Variants in PDGFRL observed in about 807,000 individuals in gnomAD.
PDGFRL encodes platelet-derived growth factor receptor-like protein.
PDGFRL carries 46 observed loss-of-function variants against 37.2 expected under a neutral mutation model. The ratio of observed to expected loss-of-function variants is 1.24; its 90% CI spans 0.98 to 1.58. PDGFRL has a LOEUF of 1.58. PDGFRL is among the 40% of genes most tolerant of loss of function. PDGFRL has a pLI of 0.00. For synonymous variants in PDGFRL, 251 were observed against 184.3 expected (o/e 1.36, Z -2.93); for missense variants, 692 against 467.6 (o/e 1.48, Z -4.43).
chr8:17,604,976 G>A (rs972565715), intron 2 of PDGFRL, among the ~76,000 whole-genome samples: 2 of 152,118 alleles, frequency 1.3e-5, no homozygotes, highest in Admixed American at 1.3e-4. Context: ...AATTAGCAGA[G>A]CATGGTGGCG....
chr8:17,591,329 G>T (rs1445703019), intron 2 of PDGFRL, among the ~76,000 whole-genome samples: 3 of 152,190 alleles, frequency 2.0e-5, no homozygotes, highest in Non-Finnish European at 4.4e-5. Context: ...CATGGTGACA[G>T]CGGCAAGTGT....
chr8:17,597,570 T>G (rs1303224959), intron 2 of PDGFRL, among the ~76,000 whole-genome samples: 2 of 152,078 alleles, frequency 1.3e-5, no homozygotes, highest in East Asian at 3.9e-4. Context: ...CCCAAAGTGC[T>G]GGGAATGTCA....
At position 17,612,559 on chromosome 8, in the gene PDGFRL, T is replaced by C. The variant is rs141577497; in HGVS notation, c.354-8492T>C. Among the ~76,000 whole-genome samples, 21 of 152,244 alleles carry C rather than the reference T, an allele frequency of 1.4e-4. No homozygotes were observed. In the South Asian group the frequency reaches 1.7e-3, roughly 12 times the overall value. On this transcript the variant is annotated intron_variant, in intron 2 of 5. Coordinates refer to ENST00000251630, the MANE Select transcript of PDGFRL (RefSeq NM_001372073.1). ...GTAATTTTTGCATTTTTAGTAGATA[T>C]GTGGTTTCACCATATTGGCCAGGCT...
Position 17,642,878 on chromosome 8 carries a change from T to C in PDGFRL, c.*77T>C. ...TCAGCTTTGGGGTTCCTTTTATTAG[T>C]GCTTTGCCAGAGGCTGATGTCAAGC... On this transcript the variant is annotated 3_prime_UTR_variant, in exon 6 of 6. Coordinates refer to ENST00000251630, the MANE Select transcript of PDGFRL (RefSeq NM_001372073.1). 1.1e-6 allele frequency: 1 copy of C among 924,664 alleles called. No individual in the cohort carries two copies. Among genetic ancestry groups the C allele is most frequent in the Non-Finnish European group, 1.7e-6 (1 of 585,994 alleles). 57.3% of individuals were successfully genotyped at this position (924,664 alleles called of 1,614,324 possible). A position where few individuals can be genotyped will look rare whatever the true frequency, so the allele number is the denominator to read the frequency against.
chr8:17,593,171 T>G (rs1181550357), intron 2 of PDGFRL, among the ~76,000 whole-genome samples: 1 of 152,122 alleles, frequency 6.6e-6, no homozygotes, highest in Non-Finnish European at 1.5e-5. Flanking sequence ...TCTTCCTGTT[T>G]CCCTTTCCAC....
chr8:17,635,621 T>C (rs1804956610), intron 5 of PDGFRL, among the ~76,000 whole-genome samples: 1 of 152,174 alleles, frequency 6.6e-6, no homozygotes, highest in Admixed American at 6.5e-5. Context: ...TATGACTTCT[T>C]TTCCTCTGGG....
At chr8:17,640,769 C>G (rs1345222883) in intron 5 of PDGFRL, among the ~76,000 whole-genome samples, 1 of 152,096 alleles carries the variant, frequency 6.6e-6, no homozygotes, top group East Asian at 1.9e-4. Flanking sequence ...GGAGGTGGCA[C>G]TTTAAAGACA....
intron 3 of PDGFRL, among the ~76,000 whole-genome samples, chr8:17,624,491 T>G (rs936910249): frequency 1.3e-5 from 2 of 152,230 alleles, no homozygotes; most frequent in African/African-American, 4.8e-5. Context: ...TAAATTATCC[T>G]TAAGCAAACA....
Position 17,598,416 on chromosome 8 carries a change from A to G in PDGFRL, c.353+8651A>G, listed in dbSNP as rs115343637. Among the ~76,000 whole-genome samples, 1,255 of 152,324 alleles carry G rather than the reference A, an allele frequency of 8.2e-3. 18 individuals are homozygous for G. Among genetic ancestry groups the G allele is most frequent in the African/African-American group, 0.028 (1,159 of 41,566 alleles). ...GCAAATAACACATCTGTGGTTTATC[A>G]TCAGATTCCTAGCACCTAGAACAAT... is the stretch of plus-strand genomic sequence containing the variant. On this transcript the variant is annotated intron_variant, in intron 2 of 5. Transcript: ENST00000251630.
chr8:17,634,681 A>G (rs1804933630), intron 5 of PDGFRL, among the ~76,000 whole-genome samples: 1 of 152,174 alleles, frequency 6.6e-6, no homozygotes, highest in Admixed American at 6.5e-5. Context: ...ACACAAATGG[A>G]GCTGGAGGCC....
intron 1 of PDGFRL, among the ~76,000 whole-genome samples, chr8:17,587,127 C>G (rs1479174130): frequency 6.6e-6 from 1 of 152,172 alleles, no homozygotes; most frequent in Non-Finnish European, 1.5e-5. Context: ...TAGGCTGGCT[C>G]CTTTAGCTTT....
At chr8:17,641,898 C>CCCGCCCCCCCCCCCCCCCCCCCCCT (rs1339224750) in intron 5 of PDGFRL, among the ~76,000 whole-genome samples, 1 of 129,862 alleles carries the variant, frequency 7.7e-6, no homozygotes, top group Admixed American at 7.7e-5. Context: ...AATAGAGGTC[C>CCCGCCCCCCCCCCCCCCCCCCCCCT]CCGCCACATT....
rs186126410 is a variant in PDGFRL, at chr8:17,637,090, T to C, written c.939+2877T>C. Among the ~76,000 whole-genome samples, 19 of 152,308 alleles carry C rather than the reference T, an allele frequency of 1.2e-4. No individual in the cohort carries two copies. In the East Asian group the frequency reaches 3.5e-3, roughly 28 times the overall value. ...GACAGTTTGACTTCGCTTTATTGAT[T>C]TGGATGCCCTTTATTTCTTTCTCTT... On this transcript the variant is annotated intron_variant, in intron 5 of 5. Coordinates refer to ENST00000251630, the MANE Select transcript of PDGFRL (RefSeq NM_001372073.1).
Position 17,614,928 on chromosome 8 carries a change from C to T in PDGFRL, c.354-6123C>T, listed in dbSNP as rs143261806. Among the ~76,000 whole-genome samples, 789 of 152,256 alleles carry T rather than the reference C, an allele frequency of 5.2e-3. 1 individual carries two copies. The highest frequency in any genetic ancestry group is 8.8e-3 in the Non-Finnish European group (599 of 68,024). ...GTGTAGCCTTGGGAAAGTTACCTAA[C>T]CTCTCCAGCCTGTTTGTTCACCTGC... On this transcript the variant is annotated intron_variant, in intron 2 of 5. Transcript: ENST00000251630.
intron 5 of PDGFRL, among the ~76,000 whole-genome samples, chr8:17,641,514 T>C (rs1258456337): frequency 6.6e-6 from 1 of 152,222 alleles, no homozygotes; most frequent in African/African-American, 2.4e-5. Flanking sequence ...GTGTTCTCTA[T>C]ACAAGCTGTG....
chr8:17,587,176 A>G (rs1397090778), intron 1 of PDGFRL, among the ~76,000 whole-genome samples: 1 of 152,196 alleles, frequency 6.6e-6, no homozygotes, highest in Non-Finnish European at 1.5e-5. Flanking sequence ...TTCTGTGGTC[A>G]GGCAGCTGGA....
At chr8:17,609,321 A>G (rs999924456) in intron 2 of PDGFRL, among the ~76,000 whole-genome samples, 3 of 152,106 alleles carry the variant, frequency 2.0e-5, no homozygotes, top group African/African-American at 7.2e-5. Flanking sequence ...AGCCTGGCCA[A>G]CATGATGAAA....
chr8:17,580,370 AAAG>A (rs1251781462), intron 1 of PDGFRL, among the ~76,000 whole-genome samples: 1 of 152,190 alleles, frequency 6.6e-6, no homozygotes, highest in Non-Finnish European at 1.5e-5. Flanking sequence ...TTAATGAAAA[AAAG>A]AATTCTAAAG....
chr8:17,603,773 T>G (rs141993842), intron 2 of PDGFRL, among the ~76,000 whole-genome samples: 215 of 152,264 alleles, frequency 1.4e-3, no homozygotes, highest in African/African-American at 3.8e-3. Flanking sequence ...GCAATTTTAA[T>G]AAAATATTAA....
Sources: gnomAD v4.1 joint callset for allele counts (sites outside exome capture counted in the v4.1 genomes callset) on GRCh38, gnomAD v4.1.1 for gene constraint, MANE v1.5 for transcripts, NCBI Gene and HGNC (gene_info 2026-07-23, HGNC 2026-07-21) for gene names.